Variants in SERAC1 observed in about 807,000 individuals in gnomAD.
SERAC1 encodes serine active site containing 1, also known as protein SERAC1.
A neutral mutation model predicts 85.7 loss-of-function variants in SERAC1; 36 were observed. The ratio of observed to expected loss-of-function variants is 0.42; its 90% CI spans 0.32 to 0.55. The LOEUF is 0.55. Ranked by LOEUF, SERAC1 falls within the 20% of genes least tolerant of loss-of-function variation. The pLI is 0.11. For missense variants in SERAC1, 629 were observed against 796.2 expected (o/e 0.79, Z 2.53); for synonymous variants, 242 against 265.3 (o/e 0.91, Z 0.85).
At chr6:158,148,744 G>C in intron 5 of SERAC1, 121 bp downstream of exon 5, 1 of 729,196 alleles carries the variant, frequency 1.4e-6, no homozygotes, top group Non-Finnish European at 2.1e-6. Context: ...TACCTGGCCT[G>C]ATTAATTTTC....
In SERAC1 at chr6:158,117,971, C is replaced by T. The variant is rs113417056; in HGVS notation, c.1309-150G>A. On this transcript the variant is annotated intron_variant, in intron 12 of 16. Transcript: ENST00000647468. The surrounding 1 kb of genome is among the most constrained non-coding windows in gnomAD (Gnocchi z 4.3). ...TTTGAAGGTACCGTAAAAACAATTC[C>T]AGCACTATCTTTTCAAGTCTCTGGT... The T allele has an allele frequency of 3.2e-6, 2 of 633,328 alleles. No homozygotes were observed. The highest frequency in any genetic ancestry group is 5.4e-6 in the Non-Finnish European group (2 of 368,340). 39.2% of individuals were successfully genotyped at this position (633,328 alleles called of 1,614,324 possible).
At chr6:158,163,113 C>A (rs536581705) in intron 1 of SERAC1, among the ~76,000 whole-genome samples, 87 of 152,292 alleles carry the variant, frequency 5.7e-4, no homozygotes, top group African/African-American at 2.0e-3. Flanking sequence ...CAAGTACCAA[C>A]TGACAGCCAG....
rs1296149729 is a variant in SERAC1, at chr6:158,117,429, T to G, written c.1403+298A>C. 1.5e-6 allele frequency: 2 copies of G among 1,327,598 alleles called. No individual in the cohort carries two copies. Among genetic ancestry groups the G allele is most frequent in the East Asian group, 5.0e-5 (2 of 39,624 alleles). 82.2% of individuals were successfully genotyped at this position (1,327,598 alleles called of 1,614,324 possible). On this transcript the variant is annotated intron_variant, in intron 13 of 16. Transcript: ENST00000647468. This position sits in a 1 kb window ranked among gnomAD's most constrained non-coding sequence, Gnocchi z 4.3. Reference sequence around the variant, plus strand: ...GGACACAAGAACAAAAAAACATCACTTTTACTTCTGATAGAAAAGGAGACT... The same window carrying G: ...GGACACAAGAACAAAAAAACATCACGTTTACTTCTGATAGAAAAGGAGACT...
chr6:158,165,162 T>G (rs982000147), intron 1 of SERAC1, among the ~76,000 whole-genome samples: 10 of 148,680 alleles, frequency 6.7e-5, no homozygotes, highest in Non-Finnish European at 1.0e-4. Flanking sequence ...TGTTTTTTGG[T>G]TTTTTTTTTG....
chr6:158,146,802 G>GACATTTCCCGC lies in SERAC1; in HGVS notation c.456_466dup (p.Ser156CysfsTer17). ...ATTACCATGCCAGTGATGGGTCTCC[G>GACATTTCCCGC]ACATTTCCCGCACAGCCTCGAGTCG... On this transcript the variant is annotated frameshift_variant, in exon 6 of 17. Coordinates refer to ENST00000647468, the MANE Select transcript of SERAC1 (RefSeq NM_032861.4). LOFTEE classifies it high-confidence loss of function. 1 of 1,613,724 alleles carries GACATTTCCCGC rather than the reference G, an allele frequency of 6.2e-7. No homozygotes were observed. Among genetic ancestry groups the GACATTTCCCGC allele is most frequent in the Non-Finnish European group, 8.5e-7 (1 of 1,179,790 alleles).
chr6:158,114,689 T>TATAAAATGAGATAATACATTCAAGGAAA, intron 15 of SERAC1, 100 bp downstream of exon 15: 1 of 1,494,582 alleles, frequency 6.7e-7, no homozygotes, highest in Non-Finnish European at 8.9e-7. Flanking sequence ...ATATACAAAT[T>TATAAAATGAGATAATACATTCAAGGAAA]ATAAAATGAG....
rs752526638 is a variant in SERAC1 at position 158,114,803 on chromosome 6, T to C, written c.1670A>G (p.Lys557Arg). 1 of 1,609,344 alleles carries C rather than the reference T, an allele frequency of 6.2e-7. No individual in the cohort carries two copies. The highest frequency in any genetic ancestry group is 1.1e-5 in the South Asian group (1 of 90,860). Reference sequence around the variant, plus strand: ...AAAAGTATTACCCTTGCTGAGTTCTTTGACTTCCAACGAGGGGAAGAGAAG... The same window carrying C: ...AAAAGTATTACCCTTGCTGAGTTCTCTGACTTCCAACGAGGGGAAGAGAAG... ...RYLLFPSLEV[K>R]ELSKDSPALK... Residue 557 changes from lysine (K) to arginine (R), a missense_variant, in exon 15 of 17, where the codon AAA becomes AGA. Coordinates refer to ENST00000647468, the MANE Select transcript of SERAC1 (RefSeq NM_032861.4).
chr6:158,124,579 A>C (rs1784493119), intron 10 of SERAC1, among the ~76,000 whole-genome samples: 1 of 152,330 alleles, frequency 6.6e-6, no homozygotes, highest in South Asian at 2.1e-4. Flanking sequence ...AGCAGGATAA[A>C]TATGACACCT....
Position 158,158,268 on chromosome 6 carries a change from C to G in SERAC1, c.91+5G>C. The G allele has an allele frequency of 6.3e-7, 1 of 1,591,776 alleles. No homozygotes were observed. Among genetic ancestry groups the G allele is most frequent in the Non-Finnish European group, 8.6e-7 (1 of 1,160,220 alleles). On this transcript the variant is annotated splice_donor_5th_base_variant and intron_variant, in intron 2 of 16. Transcript: ENST00000647468. ...GAAAATAAGAGTTGTTTAAGCTGTACTCACTGATATCTCTCCAGTGTGTGC... is the reference window on the plus strand; with the variant it reads ...GAAAATAAGAGTTGTTTAAGCTGTAGTCACTGATATCTCTCCAGTGTGTGC...
Position 158,117,480 on chromosome 6 carries a change from A to AT in SERAC1, c.1403+246dup. ...GCTAGACAATCCACGATCCTTCACT[A>AT]TTAGAACAGTTGTAAATAAACCATG... On this transcript the variant is annotated intron_variant, in intron 13 of 16. Coordinates refer to ENST00000647468, the MANE Select transcript of SERAC1 (RefSeq NM_032861.4). The surrounding 1 kb of genome is among the most constrained non-coding windows in gnomAD (Gnocchi z 4.3). 6.5e-7 allele frequency: 1 copy of AT among 1,543,450 alleles called. No individual in the cohort carries two copies. Among genetic ancestry groups the AT allele is most frequent in the Non-Finnish European group, 8.8e-7 (1 of 1,142,456 alleles).
chr6:158,165,141 C>T (rs1023405820), intron 1 of SERAC1, among the ~76,000 whole-genome samples: 1 of 151,838 alleles, frequency 6.6e-6, no homozygotes, highest in Non-Finnish European at 1.5e-5. Flanking sequence ...TTCCAACACA[C>T]CACAGTTTTT....
chr6:158,128,575 T>C (rs2128415242), intron 9 of SERAC1, among the ~76,000 whole-genome samples: 1 of 152,340 alleles, frequency 6.6e-6, no homozygotes, highest in South Asian at 2.1e-4. Flanking sequence ...CAAAATTGTT[T>C]CAATTTATAG....
chr6:158,143,091 G>C lies in SERAC1; in HGVS notation c.703C>G (p.Leu235Val). 5 of 1,613,128 alleles carry C rather than the reference G, an allele frequency of 3.1e-6. No individual in the cohort carries two copies. Among genetic ancestry groups the C allele is most frequent in the Non-Finnish European group, 4.2e-6 (5 of 1,179,484 alleles). Residue 235 changes from leucine to valine, a missense_variant, in exon 8 of 17, where the codon CTT (leucine) becomes GTT (valine). Transcript: ENST00000647468. The part of the protein sequence containing the change: ...ECIQYFTSLA[L>V]SESSQSLAAQ... ...GCTAGACTCTGACTGCTTTCACTAAGAGCCAAAGATGTAAAATACTGGATA... is the reference window on the plus strand; with the variant it reads ...GCTAGACTCTGACTGCTTTCACTAACAGCCAAAGATGTAAAATACTGGATA...
intron 16 of SERAC1, 167 bp from the exon 17 acceptor site, chr6:158,111,669 T>C (rs561861397): frequency 3.9e-6 from 2 of 511,652 alleles, no homozygotes; most frequent in East Asian, 3.2e-5. Context: ...CTACATTTGA[T>C]GAAACATGCA....
In SERAC1 at chr6:158,167,945, G is replaced by A. The variant is rs1785646215; in HGVS notation, c.-2+195C>T. On this transcript the variant is annotated intron_variant, in intron 1 of 16. Coordinates refer to ENST00000647468, the MANE Select transcript of SERAC1 (RefSeq NM_032861.4). Reference sequence around the variant, plus strand: ...GAGAAAGGCAGCGACAGGGAAAGACGAGTCAGGCTCGCGACCACCAGAGAG... The same window carrying A: ...GAGAAAGGCAGCGACAGGGAAAGACAAGTCAGGCTCGCGACCACCAGAGAG... 2.0e-5 allele frequency among the ~76,000 whole-genome samples: 3 copies of A among 151,004 alleles called. No homozygotes were observed. The South Asian group carries it at 6.4e-4, about 32-fold the overall frequency.
At chr6:158,118,402 T>C (rs1200303404) in intron 12 of SERAC1, among the ~76,000 whole-genome samples, 1 of 152,148 alleles carries the variant, frequency 6.6e-6, no homozygotes, top group Non-Finnish European at 1.5e-5. Flanking sequence ...TAAATTCCAT[T>C]CAATGAATTC....
intron 4 of SERAC1, among the ~76,000 whole-genome samples, chr6:158,149,665 T>C (rs1267614312): frequency 6.6e-6 from 1 of 152,192 alleles, no homozygotes. Flanking sequence ...GCAACAACAA[T>C]CATCTATGTA....
At position 158,117,890 on chromosome 6, in the gene SERAC1, C is replaced by A; in HGVS notation, c.1309-69G>T. On this transcript the variant is annotated intron_variant, in intron 12 of 16. Transcript: ENST00000647468. This position sits in a 1 kb window ranked among gnomAD's most constrained non-coding sequence, Gnocchi z 4.3. ...CCACTGCAATTACTGCCTAGTAAAT[C>A]AAATTTATAACTAAAGGCCTCTTGC... 8.1e-7 allele frequency: 1 copy of A among 1,240,314 alleles called. No individual in the cohort carries two copies. The highest frequency in any genetic ancestry group is 1.3e-5 in the South Asian group (1 of 78,732). 76.8% of individuals were successfully genotyped at this position (1,240,314 alleles called of 1,614,324 possible). A position where few individuals can be genotyped will look rare whatever the true frequency, so the allele number is the denominator to read the frequency against.
chr6:158,115,815 G>T (rs1191561173), intron 14 of SERAC1, among the ~76,000 whole-genome samples: 1 of 152,182 alleles, frequency 6.6e-6, no homozygotes, highest in African/African-American at 2.4e-5. Context: ...AATGGTGAGG[G>T]GGAGCAGGAA....
Sources: allele counts gnomAD v4.1 joint callset (sites outside exome capture counted in the v4.1 genomes callset), GRCh38; gene constraint gnomAD v4.1.1; non-coding constraint Gnocchi (gnomAD v3.1); transcripts MANE v1.5; gene names NCBI Gene and HGNC (gene_info 2026-07-23, HGNC 2026-07-21).